The following EIF4H variants were observed in gnomAD, a reference collection of about 807,000 sequenced individuals.
EIF4H encodes the protein eukaryotic translation initiation factor 4H.
In EIF4H, 8 loss-of-function variants were observed where a neutral mutation model predicts 30.6. That is an observed-to-expected ratio of 0.26 (90% CI 0.15 to 0.47). The LOEUF is 0.47. EIF4H is among the 20% of genes least tolerant of loss of function. The pLI is 0.99. For missense variants in EIF4H, 188 were observed against 339.5 expected (o/e 0.55, Z 3.51); for synonymous variants, 106 against 122.7 (o/e 0.86, Z 0.90).
At chr7:74,194,691 C>T (rs1190755918) in intron 5 of EIF4H, 50 bp from the exon 6 acceptor site, 2 of 1,517,306 alleles carry the variant, frequency 1.3e-6, no homozygotes, top group East Asian at 2.3e-5. Context: ...CTATAAGCAG[C>T]TTGGAGACGA....
intron 1 of EIF4H, among the ~76,000 whole-genome samples, chr7:74,175,347 G>A (rs1223298887): frequency 6.6e-6 from 1 of 152,170 alleles, no homozygotes; most frequent in Non-Finnish European, 1.5e-5. Context: ...GTTTGTCAAG[G>A]ACACACTTGG....
At chr7:74,181,027 C>T (rs1026571256) in intron 1 of EIF4H, among the ~76,000 whole-genome samples, 1 of 152,188 alleles carries the variant, frequency 6.6e-6, no homozygotes, top group East Asian at 1.9e-4. Context: ...TGAGCCACCA[C>T]GCCCAGCCTC....
intron 1 of EIF4H, 84 bp downstream of exon 1, chr7:74,174,526 A>T: frequency 8.6e-7 from 1 of 1,167,154 alleles, no homozygotes; most frequent in Non-Finnish European, 1.1e-6. Flanking sequence ...TCCTGCGCTC[A>T]GCCGGGGCGG....
At chr7:74,185,380 C>T (rs541978085) in intron 1 of EIF4H, among the ~76,000 whole-genome samples, 5 of 152,226 alleles carry the variant, frequency 3.3e-5, no homozygotes, top group East Asian at 1.9e-4. Context: ...GAGATATCAG[C>T]GATAGAGTAC....
chr7:74,190,461 C>G (rs1554709770), intron 5 of EIF4H, among the ~76,000 whole-genome samples, 155 bp downstream of exon 5: 2 of 151,760 alleles, frequency 1.3e-5, no homozygotes, highest in African/African-American at 4.8e-5. Flanking sequence ...AAGTAAGCCT[C>G]TGTTAGAGCC....
At position 74,186,030 on chromosome 7, in the gene EIF4H, G is replaced by A. The variant is rs187759380; in HGVS notation, c.60-1581G>A. On this transcript the variant is annotated intron_variant, in intron 1 of 6. Coordinates refer to ENST00000265753, the MANE Select transcript of EIF4H (RefSeq NM_022170.2). ...ATGGTACAGTTGGATGACGCTAGTG[G>A]ATGCAGAAGTGACTATTCTGCCTTG... Among the ~76,000 whole-genome samples the A allele has an allele frequency of 6.3e-4, 96 of 152,182 alleles. 1 individual carries two copies. In the South Asian group the frequency reaches 7.9e-3, roughly 12 times the overall value.
At chr7:74,180,140 T>G (rs1456021700) in intron 1 of EIF4H, among the ~76,000 whole-genome samples, 20 of 152,290 alleles carry the variant, frequency 1.3e-4, no homozygotes, top group African/African-American at 4.8e-4. Context: ...GAGGCTGCAG[T>G]GAGCAGTGAT....
At chr7:74,194,602 C>T (rs1801298985) in intron 5 of EIF4H, 139 bp from the exon 6 acceptor site, 1 of 1,258,828 alleles carries the variant, frequency 7.9e-7, no homozygotes, top group African/African-American at 1.5e-5. Flanking sequence ...TTTTAACACA[C>T]TTTATTTTGG....
In EIF4H at chr7:74,183,487, C is replaced by A. The variant is rs550045046; in HGVS notation, c.60-4124C>A. On this transcript the variant is annotated intron_variant, in intron 1 of 6. Coordinates refer to ENST00000265753, the MANE Select transcript of EIF4H (RefSeq NM_022170.2). ...AAAATCAAGATTGAAATATAACAGA[C>A]AAGAAAACATAGGTACAGAGGTAAT... Among the ~76,000 whole-genome samples, 3 of 152,280 alleles carry A rather than the reference C, an allele frequency of 2.0e-5. No homozygotes were observed. In the South Asian group the frequency reaches 6.2e-4, roughly 32 times the overall value.
chr7:74,184,223 G>A (rs1801031958), intron 1 of EIF4H, among the ~76,000 whole-genome samples: 1 of 152,088 alleles, frequency 6.6e-6, no homozygotes, highest in African/African-American at 2.4e-5. Context: ...TGCATTTTTA[G>A]CAGTGCCCCG....
chr7:74,182,212 T>C (rs1800978049), intron 1 of EIF4H, among the ~76,000 whole-genome samples: 1 of 152,178 alleles, frequency 6.6e-6, no homozygotes, highest in Non-Finnish European at 1.5e-5. Context: ...CAAAGCATAA[T>C]ATAGTGACCT....
chr7:74,194,594 T>G (rs1010599614), intron 5 of EIF4H, 147 bp from the exon 6 acceptor site: 8 of 1,203,340 alleles, frequency 6.6e-6, no homozygotes, highest in South Asian at 2.0e-5. Flanking sequence ...GGACCCACTT[T>G]TAACACACTT....
chr7:74,195,241 A>G lies in EIF4H; in HGVS notation c.680A>G (p.Asn227Ser). 1.2e-6 allele frequency: 2 copies of G among 1,613,928 alleles called. No individual in the cohort carries two copies. The highest frequency in any genetic ancestry group is 8.5e-7 in the Non-Finnish European group (1 of 1,179,858). The change falls in exon 7 of 7, where the codon AAT (asparagine) becomes AGT (serine). Residue 227 changes from asparagine to serine, a missense_variant. This residue lies in a region of EIF4H where 17 missense variants were observed against 66.4 expected (regional missense o/e 0.26). Coordinates refer to ENST00000265753, the MANE Select transcript of EIF4H (RefSeq NM_022170.2). ...TVATPLNQVA[N>S]PNSAIFGGAR... ...GCGACGCCCCTCAATCAAGTAGCCA[A>G]TCCCAACTCTGCTATCTTCGGGGGT...
intron 5 of EIF4H, among the ~76,000 whole-genome samples, chr7:74,194,025 G>T (rs1244558678): frequency 1.3e-5 from 2 of 152,214 alleles, no homozygotes; most frequent in Non-Finnish European, 2.9e-5. Context: ...TGGGAATTCA[G>T]CATTTCTAAA....
chr7:74,185,748 G>T (rs1162029702), intron 1 of EIF4H, among the ~76,000 whole-genome samples: 1 of 152,050 alleles, frequency 6.6e-6, no homozygotes, highest in Non-Finnish European at 1.5e-5. Context: ...CTCTAAGATG[G>T]ATATTAATAT....
At chr7:74,184,010 A>G (rs1385039282) in intron 1 of EIF4H, 1 of 152,256 alleles carries the variant, frequency 6.6e-6, no homozygotes, top group Non-Finnish European at 1.5e-5. Flanking sequence ...TGAAAAGTCT[A>G]GAGTATTAAG....
chr7:74,189,404 T>C (rs1458200404), intron 2 of EIF4H, among the ~76,000 whole-genome samples: 1 of 152,234 alleles, frequency 6.6e-6, no homozygotes, highest in Non-Finnish European at 1.5e-5. Context: ...AAGGTTTGAA[T>C]ATTATGGTTA....
Position 74,174,395 on chromosome 7 carries a change from C to G in EIF4H, c.12C>G (p.Phe4Leu). 6.9e-7 allele frequency: 1 copy of G among 1,458,788 alleles called. No homozygotes were observed. Among genetic ancestry groups the G allele is most frequent in the Non-Finnish European group, 9.2e-7 (1 of 1,091,394 alleles). The allele number at this position is 1,458,788 out of a possible 1,614,324, so 90.4% of individuals were successfully genotyped here. A position where few individuals can be genotyped will look rare whatever the true frequency, so the allele number is the denominator to read the frequency against. Residue 4 changes from phenylalanine to leucine, a missense_variant, in exon 1 of 7, where the codon TTC becomes TTG. Transcript: ENST00000265753. Reference sequence around the variant, plus strand: ...AGCGGAGACGGCAAATGGCGGACTTCGACACCTACGACGATCGGGCCTACA... The same window carrying G: ...AGCGGAGACGGCAAATGGCGGACTTGGACACCTACGACGATCGGGCCTACA... Reference protein sequence around the residue: MADFDTYDDRAYSS... With the variant: MADLDTYDDRAYSS...
intron 5 of EIF4H, chr7:74,191,180 T>C (rs781943505): frequency 1.3e-5 from 7 of 533,642 alleles, no homozygotes; most frequent in Admixed American, 5.8e-5. Context: ...TTGAATAATA[T>C]AGTTCTTAAA....
Sources: gnomAD v4.1 joint callset for allele counts (sites outside exome capture counted in the v4.1 genomes callset) on GRCh38, gnomAD v4.1.1 for gene constraint, gnomAD v4.1.1 regional missense constraint, MANE v1.5 for transcripts, NCBI Gene and HGNC (gene_info 2026-07-23, HGNC 2026-07-21) for gene names.